Variants in FBN1 observed in about 807,000 individuals in gnomAD.
The protein encoded by FBN1 is fibrillin-1.
In FBN1, 29 loss-of-function variants were observed where a neutral mutation model predicts 365.1. That is an observed-to-expected ratio of 0.08 (90% confidence interval 0.06 to 0.11). The LOEUF is 0.11. Ranked by LOEUF, FBN1 falls within the 10% of genes least tolerant of loss-of-function variation. The pLI is 1.00. For missense variants in FBN1, 2,476 were observed against 3,703.2 expected, an observed-to-expected ratio of 0.67 and a Z score of 8.60; for synonymous variants, 1,210 against 1,270.5, an observed-to-expected ratio of 0.95 and a Z score of 1.01.
At chr15:48,449,489 T>C (rs770057687) in intron 45 of FBN1, among the ~76,000 whole-genome samples, 1 of 152,202 alleles carries the variant, frequency 6.6e-6, no homozygotes, top group Non-Finnish European at 1.5e-5. Flanking sequence ...TCTTTCTTTT[T>C]ACTCTCATCC....
intron 7 of FBN1, among the ~76,000 whole-genome samples, chr15:48,536,037 A>C (rs1169621684): frequency 2.0e-5 from 3 of 152,168 alleles, no homozygotes; most frequent in Non-Finnish European, 4.4e-5. Flanking sequence ...ATTTGCCCAC[A>C]GCCCCTCACA....
intron 12 of FBN1, among the ~76,000 whole-genome samples, chr15:48,514,985 G>A (rs2043788917): frequency 6.6e-6 from 1 of 152,180 alleles, no homozygotes; most frequent in African/African-American, 2.4e-5. Flanking sequence ...TTATACAGGT[G>A]GCCAAATGCA....
At chr15:48,523,543 T>TA (rs1392369079) in intron 9 of FBN1, among the ~76,000 whole-genome samples, 11 of 152,210 alleles carry the variant, frequency 7.2e-5, no homozygotes, top group Non-Finnish European at 1.2e-4. Context: ...GCACCTTTGT[T>TA]AAAAATACAC....
At chr15:48,554,738 G>A (rs1446508879) in intron 6 of FBN1, among the ~76,000 whole-genome samples, 1 of 152,102 alleles carries the variant, frequency 6.6e-6, no homozygotes, top group Non-Finnish European at 1.5e-5. Flanking sequence ...GAAAAGGTAA[G>A]CTACATACAC....
chr15:48,434,096 C>T (rs1417730966), intron 54 of FBN1, among the ~76,000 whole-genome samples: 1 of 152,150 alleles, frequency 6.6e-6, no homozygotes, highest in Admixed American at 6.5e-5. Flanking sequence ...CCATACATTC[C>T]ACCAGGCTTA....
chr15:48,472,449 A>T, intron 35 of FBN1, 102 bp downstream of exon 35: 2,307 of 1,052,356 alleles, frequency 2.2e-3, no homozygotes, highest in Non-Finnish European at 3.1e-3. Flanking sequence ...GCTAAAACAC[A>T]CCTCAGTTTA....
chr15:48,527,892 G>A (rs2043928447), intron 8 of FBN1, among the ~76,000 whole-genome samples: 1 of 152,244 alleles, frequency 6.6e-6, no homozygotes. Context: ...GAAAGGGTCA[G>A]GTAGAGAAAC....
rs186215031 is a variant in FBN1, at chr15:48,432,752, C to G, written c.6739+114G>C. ...GCAGTGACAACCCCCGTATTGTCCA[C>G]GGACTATTTATATTCCAATTCCCAG... On this transcript the variant is annotated intron_variant, in intron 55 of 65. Coordinates refer to ENST00000316623, the MANE Select transcript of FBN1 (RefSeq NM_000138.5). 20 of 1,369,954 alleles carry G rather than the reference C, an allele frequency of 1.5e-5. No homozygotes were observed. The Admixed American group carries it at 1.7e-4, about 12-fold the overall frequency. 84.9% of individuals were successfully genotyped at this position (1,369,954 alleles called of 1,614,324 possible).
intron 25 of FBN1, 50 bp from the exon 26 acceptor site, chr15:48,488,543 C>CCTGACT (rs754846639): frequency 1.0e-5 from 16 of 1,599,398 alleles, no homozygotes; most frequent in Middle Eastern, 1.7e-4. Context: ...AGCAAGCAGT[C>CCTGACT]AGGAGGTCTC....
Position 48,448,843 on chromosome 15 carries a change from T to G in FBN1, c.5596A>C (p.Ile1866Leu). 3.1e-6 allele frequency: 5 copies of G among 1,612,514 alleles called. No individual in the cohort carries two copies. The highest frequency in any genetic ancestry group is 4.2e-6 in the Non-Finnish European group (5 of 1,178,770). ...CAATAAAAGCTTCCAACTGTGTCAA[T>G]GCACTGCCCATGACTGCATATATTG... ...IPNICSHGQC[I>L]DTVGSFYCLC... The change falls in exon 46 of 66, where the codon ATT becomes CTT. Residue 1866 changes from isoleucine to leucine, a missense_variant. Physicochemically the swap from Ile to Leu is conservative, Grantham distance 5. Transcript: ENST00000316623.
At chr15:48,576,128 T>C (rs1006756259) in intron 6 of FBN1, among the ~76,000 whole-genome samples, 1 of 152,128 alleles carries the variant, frequency 6.6e-6, no homozygotes, top group Non-Finnish European at 1.5e-5. Flanking sequence ...GGAAAACCAA[T>C]GATTTTGAAA....
At chr15:48,468,639 AGCT>A in intron 36 of FBN1, 105 bp from the exon 37 acceptor site, 1 of 1,206,984 alleles carries the variant, frequency 8.3e-7, no homozygotes, top group Non-Finnish European at 1.2e-6. Flanking sequence ...AGAATTTTAA[AGCT>A]ACTAGTTATA....
At chr15:48,629,823 T>C (rs1889950895) in intron 2 of FBN1, among the ~76,000 whole-genome samples, 2 of 152,260 alleles carry the variant, frequency 1.3e-5, no homozygotes, top group African/African-American at 4.8e-5. Flanking sequence ...TAGTCCATCC[T>C]GATATCCACA....
chr15:48,637,055 A>G (rs566498643), intron 2 of FBN1, among the ~76,000 whole-genome samples: 1 of 152,222 alleles, frequency 6.6e-6, no homozygotes, highest in African/African-American at 2.4e-5. Context: ...TGGAGGTGGG[A>G]GCATTCTAGG....
intron 6 of FBN1, among the ~76,000 whole-genome samples, chr15:48,565,618 A>G (rs2044254116): frequency 1.4e-5 from 2 of 141,582 alleles, no homozygotes; most frequent in African/African-American, 6.1e-5. Flanking sequence ...AATGATGTTC[A>G]ATGTGATAAA....
chr15:48,544,077 T>C (rs1482907285), intron 6 of FBN1, among the ~76,000 whole-genome samples: 12 of 152,284 alleles, frequency 7.9e-5, no homozygotes, highest in Admixed American at 2.6e-4. Flanking sequence ...GTGTATACTT[T>C]ATATTATTCC....
At chr15:48,637,525 A>G (rs936771553) in intron 2 of FBN1, among the ~76,000 whole-genome samples, 1 of 152,178 alleles carries the variant, frequency 6.6e-6, no homozygotes, top group African/African-American at 2.4e-5. Context: ...AACCCTGCCC[A>G]ACTGCAGTCA....
intron 6 of FBN1, among the ~76,000 whole-genome samples, chr15:48,593,358 G>T (rs2044492570): frequency 6.6e-6 from 1 of 152,148 alleles, no homozygotes; most frequent in Admixed American, 6.5e-5. Context: ...CCTTACATGT[G>T]TATTATATCA....
intron 44 of FBN1, among the ~76,000 whole-genome samples, chr15:48,455,825 A>T (rs2043233959): frequency 6.6e-6 from 1 of 152,232 alleles, no homozygotes; most frequent in African/African-American, 2.4e-5. Flanking sequence ...TGTCTTCAGT[A>T]TAGACAAAAA....
Sources: gnomAD v4.1 joint callset for allele counts (sites outside exome capture counted in the v4.1 genomes callset) on GRCh38, gnomAD v4.1.1 for gene constraint, MANE v1.5 for transcripts, NCBI Gene and HGNC (gene_info 2026-07-23, HGNC 2026-07-21) for gene names.